Variants in RASGRF1 observed in about 807,000 individuals in gnomAD.
RASGRF1 encodes the protein Ras protein specific guanine nucleotide releasing factor 1.
Under a neutral mutation model 138.7 loss-of-function variants are expected in RASGRF1, and 40 were observed. The ratio of observed to expected loss-of-function variants is 0.29; its 90% confidence interval spans 0.22 to 0.38. RASGRF1 has a LOEUF of 0.38. Ranked by LOEUF, RASGRF1 falls within the 10% of genes least tolerant of loss-of-function variation. The pLI is 1.00. For missense variants in RASGRF1, 1,108 were observed against 1,650.4 expected (o/e 0.67, Z 5.69); for synonymous variants, 614 against 663.2 (o/e 0.93, Z 1.14).
At chr15:78,993,049 G>A (rs946036957) in intron 20 of RASGRF1, among the ~76,000 whole-genome samples, 1 of 150,184 alleles carries the variant, frequency 6.7e-6, no homozygotes, top group Non-Finnish European at 1.5e-5. Flanking sequence ...TGTGTGCCAT[G>A]TGGGTGGTGT....
rs962966173 is a variant in RASGRF1, at chr15:79,050,786, G to A, written c.532-1198C>T. On this transcript the variant is annotated intron_variant, in intron 3 of 26. Coordinates refer to ENST00000558480, the MANE Select transcript of RASGRF1 (RefSeq NM_001145648.3). This position sits in a 1 kb window ranked among gnomAD's most constrained non-coding sequence, Gnocchi z 4.1. Reference sequence around the variant, plus strand: ...TGGTGTATCCTCCTGCGCAGGGCTCGTCCAACCACTCCAATTCTGTGAGTC... The same window carrying A: ...TGGTGTATCCTCCTGCGCAGGGCTCATCCAACCACTCCAATTCTGTGAGTC... 2.6e-5 allele frequency among the ~76,000 whole-genome samples: 4 copies of A among 152,264 alleles called. No homozygotes were observed. Among genetic ancestry groups the A allele is most frequent in the Middle Eastern group, 3.4e-3 (1 of 294 alleles).
chr15:79,078,699 C>T (rs1038494629), intron 1 of RASGRF1, among the ~76,000 whole-genome samples: 1 of 152,256 alleles, frequency 6.6e-6, no homozygotes, highest in African/African-American at 2.4e-5. Context: ...CAATTGGCTT[C>T]TTTCTGCCCA....
intron 13 of RASGRF1, chr15:79,012,621 T>C (rs1000720202): frequency 3.6e-5 from 55 of 1,528,130 alleles, no homozygotes; most frequent in Admixed American, 6.4e-5. Flanking sequence ...TCACCATCAT[T>C]ATTCAAAATT....
chr15:79,049,367 G>A, intron 4 of RASGRF1, 129 bp downstream of exon 4: 1 of 813,384 alleles, frequency 1.2e-6, no homozygotes, highest in Non-Finnish European at 2.0e-6. Flanking sequence ...CTCTGTCTTT[G>A]GAGCTGAGGT....
intron 11 of RASGRF1, 112 bp from the exon 12 acceptor site, chr15:79,018,018 G>T: frequency 7.6e-7 from 1 of 1,313,900 alleles, no homozygotes; most frequent in East Asian, 2.5e-5. Flanking sequence ...CGTTGGTAAG[G>T]CACCAGGCCA....
intron 10 of RASGRF1, among the ~76,000 whole-genome samples, chr15:79,021,156 C>T (rs1034427577): frequency 6.6e-6 from 1 of 152,198 alleles, no homozygotes; most frequent in Admixed American, 6.5e-5. Flanking sequence ...TGAGCCAAGA[C>T]CACCCAGGTA....
chr15:79,022,829 C>T (rs961683400), intron 10 of RASGRF1, among the ~76,000 whole-genome samples: 1 of 152,126 alleles, frequency 6.6e-6, no homozygotes, highest in African/African-American at 2.4e-5. Flanking sequence ...GGTTATGGGC[C>T]AGGCATCCAG....
intron 19 of RASGRF1, among the ~76,000 whole-genome samples, chr15:78,997,400 G>A (rs2056417597): frequency 6.6e-6 from 1 of 152,180 alleles, no homozygotes; most frequent in Non-Finnish European, 1.5e-5. Flanking sequence ...ATGTCACTGA[G>A]GAACTGAACT....
At chr15:78,990,362 C>CT in intron 21 of RASGRF1, 89 bp from the exon 22 acceptor site, 2 of 889,656 alleles carry the variant, frequency 2.2e-6, no homozygotes, top group Non-Finnish European at 1.8e-6. Context: ...TATTTTTTGG[C>CT]TTTTTGAGGC....
intron 22 of RASGRF1, among the ~76,000 whole-genome samples, chr15:78,986,196 A>C (rs757588208): frequency 6.6e-6 from 1 of 152,108 alleles, no homozygotes; most frequent in Non-Finnish European, 1.5e-5. Context: ...AACATGACAC[A>C]CACATGAACA....
chr15:78,976,227 T>G (rs2055867538), intron 24 of RASGRF1, among the ~76,000 whole-genome samples: 1 of 152,098 alleles, frequency 6.6e-6, no homozygotes, highest in African/African-American at 2.4e-5. Flanking sequence ...TGCAATCGAA[T>G]CACTTGCAAG....
chr15:79,005,689 G>A (rs2056655194), intron 14 of RASGRF1: 1 of 958,992 alleles, frequency 1.0e-6, no homozygotes, highest in Non-Finnish European at 1.2e-6. Context: ...GTAGGAGGTG[G>A]TCTAAGCAAA....
intron 21 of RASGRF1, 82 bp downstream of exon 21, chr15:78,991,609 T>C: frequency 4.4e-6 from 5 of 1,138,632 alleles, no homozygotes; most frequent in Non-Finnish European, 6.6e-6. Context: ...GCTCTGGAAA[T>C]TCACTGCGTG....
intron 1 of RASGRF1, among the ~76,000 whole-genome samples, chr15:79,078,659 G>A (rs1315323669): frequency 6.6e-6 from 1 of 152,068 alleles, no homozygotes; most frequent in Non-Finnish European, 1.5e-5. Context: ...GCAGGGTCAG[G>A]ACCCCACTTT....
chr15:79,071,335 C>A (rs1317187714), intron 1 of RASGRF1, among the ~76,000 whole-genome samples: 2 of 151,812 alleles, frequency 1.3e-5, no homozygotes, highest in African/African-American at 2.4e-5. Flanking sequence ...CTCTCCTTTG[C>A]ATTCTCTGAA....
intron 2 of RASGRF1, among the ~76,000 whole-genome samples, chr15:79,059,750 C>A (rs1016740587): frequency 1.3e-5 from 2 of 152,042 alleles, no homozygotes; most frequent in African/African-American, 4.8e-5. Context: ...TAAACACACA[C>A]CCCCCACAGA....
intron 8 of RASGRF1, among the ~76,000 whole-genome samples, chr15:79,030,340 A>G (rs186968195): frequency 1.3e-5 from 2 of 152,236 alleles, no homozygotes; most frequent in Non-Finnish European, 2.9e-5. Context: ...TTCTGACCAC[A>G]AGGCCCTCCC....
At chr15:79,064,331 G>C in intron 2 of RASGRF1, 89 bp downstream of exon 2, 1 of 1,251,804 alleles carries the variant, frequency 8.0e-7, no homozygotes, top group Non-Finnish European at 1.1e-6. Context: ...CACTTCATGG[G>C]GCTTGGCTTT....
intron 17 of RASGRF1, among the ~76,000 whole-genome samples, chr15:78,999,329 G>T (rs984787281): frequency 1.3e-5 from 2 of 152,178 alleles, no homozygotes; most frequent in East Asian, 1.9e-4. Flanking sequence ...CAGGATGGAA[G>T]TTTGGGGGAA....
Sources: allele counts gnomAD v4.1 joint callset (sites outside exome capture counted in the v4.1 genomes callset), GRCh38; gene constraint gnomAD v4.1.1; non-coding constraint Gnocchi (gnomAD v3.1); transcripts MANE v1.5; gene names NCBI Gene and HGNC (gene_info 2026-07-23, HGNC 2026-07-21).